The following TSPAN12 variants were observed in gnomAD, a reference collection of about 807,000 sequenced individuals.
The protein encoded by TSPAN12 is tetraspanin 12.
A neutral mutation model predicts 39.2 loss-of-function variants in TSPAN12; 19 were observed. The ratio of observed to expected loss-of-function variants is 0.49; its 90% CI spans 0.34 to 0.71. The LOEUF is 0.71. Ranked by LOEUF, TSPAN12 falls within the 30% of genes least tolerant of loss-of-function variation. The pLI is 0.01. For synonymous variants in TSPAN12, 119 were observed against 124.8 expected, an observed-to-expected ratio of 0.95 and a Z score of 0.31; for missense variants, 314 against 359.9, an observed-to-expected ratio of 0.87 and a Z score of 1.03.
intron 4 of TSPAN12, among the ~76,000 whole-genome samples, chr7:120,823,993 G>A (rs1041088237): frequency 9.2e-5 from 14 of 152,122 alleles, no homozygotes; most frequent in African/African-American, 4.8e-5. Flanking sequence ...ATACTTCAGG[G>A]TTATGCGAGG....
At chr7:120,854,595 T>TA (rs1794835371) in intron 2 of TSPAN12, among the ~76,000 whole-genome samples, 1 of 152,226 alleles carries the variant, frequency 6.6e-6, no homozygotes. Flanking sequence ...TTTTGTATGT[T>TA]AGTTAGATAG....
intron 7 of TSPAN12, among the ~76,000 whole-genome samples, chr7:120,792,692 C>T (rs1793554561): frequency 6.6e-6 from 1 of 152,116 alleles, no homozygotes; most frequent in Non-Finnish European, 1.5e-5. Context: ...ACTTCAATGA[C>T]CACATGTGAC....
intron 7 of TSPAN12, among the ~76,000 whole-genome samples, chr7:120,792,314 GA>G (rs1280818898): frequency 1.3e-5 from 2 of 152,176 alleles, no homozygotes; most frequent in Non-Finnish European, 2.9e-5. Context: ...TATTTGACCT[GA>G]ACTTGAAGCT....
intron 7 of TSPAN12, 91 bp downstream of exon 7, chr7:120,806,458 G>T: frequency 6.8e-7 from 1 of 1,473,444 alleles, no homozygotes; most frequent in Non-Finnish European, 9.4e-7. Flanking sequence ...TTTAGACAGA[G>T]AAGGAAAATT....
At chr7:120,799,516 ATAAT>A (rs1391479117) in intron 7 of TSPAN12, among the ~76,000 whole-genome samples, 1 of 103,092 alleles carries the variant, frequency 9.7e-6, no homozygotes, top group East Asian at 2.8e-4. Flanking sequence ...TTAATTATAT[ATAAT>A]TAATTATATA....
intron 6 of TSPAN12, among the ~76,000 whole-genome samples, chr7:120,807,833 T>C (rs1282445198): frequency 1.3e-5 from 2 of 152,122 alleles, no homozygotes; most frequent in Admixed American, 6.6e-5. Flanking sequence ...CTGAAAGCTA[T>C]GGGTAATACT....
intron 7 of TSPAN12, among the ~76,000 whole-genome samples, chr7:120,790,022 G>A (rs565598496): frequency 7.2e-5 from 11 of 152,136 alleles, no homozygotes; most frequent in South Asian, 2.1e-4. Context: ...CCAATCTTTC[G>A]TGCCCTGTGT....
intron 4 of TSPAN12, among the ~76,000 whole-genome samples, chr7:120,832,701 A>C (rs1794409599): frequency 6.6e-6 from 1 of 152,018 alleles, no homozygotes; most frequent in South Asian, 2.1e-4. Context: ...AGTAACTATC[A>C]TGGATGGGTA....
At chr7:120,808,873 T>C (rs1316885160) in intron 6 of TSPAN12, among the ~76,000 whole-genome samples, 1 of 151,934 alleles carries the variant, frequency 6.6e-6, no homozygotes, top group African/African-American at 2.4e-5. Context: ...TGACTGTATT[T>C]GGAGATAGAG....
At chr7:120,791,431 A>G (rs1162733967) in intron 7 of TSPAN12, among the ~76,000 whole-genome samples, 2 of 152,226 alleles carry the variant, frequency 1.3e-5, no homozygotes, top group Non-Finnish European at 2.9e-5. Context: ...ACTATAGTTA[A>G]TAACAATGTA....
chr7:120,788,265 A>G lies in TSPAN12; in HGVS notation c.*327T>C. On this transcript the variant is annotated 3_prime_UTR_variant, in exon 8 of 8. Transcript: ENST00000222747. ...CCTTTACTATGGCTCCAGTCCCACC[A>G]TATGTGACTCGTTTGCATGGATGCG... 2.8e-6 allele frequency: 1 copy of G among 362,100 alleles called. No homozygotes were observed. Among genetic ancestry groups the G allele is most frequent in the Non-Finnish European group, 5.2e-6 (1 of 193,226 alleles). The allele number at this position is 362,100 out of a possible 1,614,324, so 22.4% of individuals were successfully genotyped here.
At chr7:120,824,281 A>G (rs1252135689) in intron 4 of TSPAN12, among the ~76,000 whole-genome samples, 1 of 151,624 alleles carries the variant, frequency 6.6e-6, no homozygotes, top group Non-Finnish European at 1.5e-5. Context: ...AAATGCAAAA[A>G]AAAAAAAAAA....
At chr7:120,803,862 T>C (rs2116338937) in intron 7 of TSPAN12, among the ~76,000 whole-genome samples, 1 of 152,302 alleles carries the variant, frequency 6.6e-6, no homozygotes, top group East Asian at 1.9e-4. Context: ...GTAGTATTAT[T>C]AGTGAAAACA....
intron 4 of TSPAN12, among the ~76,000 whole-genome samples, chr7:120,826,070 T>G (rs1416644637): frequency 1.3e-5 from 2 of 152,160 alleles, no homozygotes; most frequent in African/African-American, 4.8e-5. Flanking sequence ...GATTAAAAAT[T>G]TATGGTCCTT....
intron 2 of TSPAN12, among the ~76,000 whole-genome samples, chr7:120,843,952 G>T (rs910522793): frequency 4.6e-5 from 7 of 152,080 alleles, no homozygotes; most frequent in African/African-American, 1.7e-4. Flanking sequence ...CCTGAAACTG[G>T]GTAATTTATG....
chr7:120,839,576 G>T (rs1584948854), intron 3 of TSPAN12, among the ~76,000 whole-genome samples: 1 of 152,086 alleles, frequency 6.6e-6, no homozygotes, highest in African/African-American at 2.4e-5. Context: ...TCCATTCAGA[G>T]ATGATGGAGT....
At chr7:120,790,360 T>G (rs552697831) in intron 7 of TSPAN12, among the ~76,000 whole-genome samples, 3 of 152,334 alleles carry the variant, frequency 2.0e-5, no homozygotes, top group Admixed American at 2.0e-4. Context: ...TAGATGATAA[T>G]AGTGCTTACC....
chr7:120,828,859 C>T (rs891071723), intron 4 of TSPAN12, among the ~76,000 whole-genome samples: 1 of 151,982 alleles, frequency 6.6e-6, no homozygotes, highest in Admixed American at 6.6e-5. Flanking sequence ...GGAAAAGACA[C>T]AGCAATGATT....
chr7:120,808,471 T>C (rs554276781), intron 6 of TSPAN12, among the ~76,000 whole-genome samples: 26 of 152,240 alleles, frequency 1.7e-4, no homozygotes, highest in African/African-American at 5.5e-4. Flanking sequence ...TATTGTGAGA[T>C]AGTACTACTC....
Sources: allele counts gnomAD v4.1 joint callset (sites outside exome capture counted in the v4.1 genomes callset), GRCh38; gene constraint gnomAD v4.1.1; transcripts MANE v1.5; gene names NCBI Gene and HGNC (gene_info 2026-07-23, HGNC 2026-07-21).